The following FAM168A variants were observed in gnomAD, a reference collection of about 807,000 sequenced individuals.
FAM168A encodes the protein protein FAM168A.
Under a neutral mutation model 28.5 loss-of-function variants are expected in FAM168A, and 3 were observed. The ratio of observed to expected loss-of-function variants is 0.11; its 90% CI spans 0.05 to 0.27. The LOEUF is 0.27. FAM168A is among the 10% of genes least tolerant of loss of function. FAM168A has a pLI of 1.00. For synonymous variants in FAM168A, 122 were observed against 124.2 expected (o/e 0.98, Z 0.12); for missense variants, 222 against 311.5 (o/e 0.71, Z 2.16).
chr11:73,470,423 C>G (rs1867797454), intron 1 of FAM168A, among the ~76,000 whole-genome samples: 2 of 152,224 alleles, frequency 1.3e-5, no homozygotes, highest in East Asian at 3.9e-4. Context: ...ATGTTTCCCC[C>G]CAGAAAGCAC....
At chr11:73,578,096 A>G (rs2134730424) in intron 1 of FAM168A, among the ~76,000 whole-genome samples, 1 of 152,314 alleles carries the variant, frequency 6.6e-6, no homozygotes, top group East Asian at 1.9e-4. Flanking sequence ...TGCAAGAGAC[A>G]TTATGCTAGG....
chr11:73,424,905 G>T, intron 3 of FAM168A: 4 of 802,492 alleles, frequency 5.0e-6, no homozygotes, highest in Admixed American at 3.3e-5. Context: ...GAGCCACCTG[G>T]GGGGAGCCCA....
At chr11:73,545,027 A>ATATAATATATATATATAATATATTCTAT in intron 1 of FAM168A, among the ~76,000 whole-genome samples, 1 of 77,468 alleles carries the variant, frequency 1.3e-5, no homozygotes, top group Non-Finnish European at 2.1e-5. Context: ...TAGTATATAT[A>ATATAATATATATATATAATATATTCTAT]ATATATATAT....
chr11:73,556,182 C>A (rs3132763), intron 1 of FAM168A, among the ~76,000 whole-genome samples: 151,980 of 151,986 alleles, frequency 1, 75,987 homozygotes, highest in Middle Eastern at 1. Flanking sequence ...CTGGTTCTAC[C>A]AAAAAAAATT....
chr11:73,537,921 G>GTA (rs1481398935), intron 1 of FAM168A, among the ~76,000 whole-genome samples: 4 of 152,104 alleles, frequency 2.6e-5, no homozygotes, highest in African/African-American at 9.7e-5. Context: ...ACTTCCCCAT[G>GTA]TATACTCCTT....
intron 1 of FAM168A, among the ~76,000 whole-genome samples, chr11:73,582,865 T>A (rs929772984): frequency 6.6e-6 from 1 of 151,744 alleles, no homozygotes; most frequent in East Asian, 1.9e-4. Context: ...CTGAGTCTCA[T>A]TGTGTCTACT....
At chr11:73,591,168 T>G (rs1944377007) in intron 1 of FAM168A, among the ~76,000 whole-genome samples, 1 of 152,078 alleles carries the variant, frequency 6.6e-6, no homozygotes, top group Non-Finnish European at 1.5e-5. Flanking sequence ...GACTACTGAT[T>G]TAACAGCTTA....
At chr11:73,548,246 TATAA>T (rs552443112) in intron 1 of FAM168A, among the ~76,000 whole-genome samples, 28 of 151,930 alleles carry the variant, frequency 1.8e-4, no homozygotes, top group East Asian at 1.2e-3. Flanking sequence ...CATCACAATT[TATAA>T]ATAAATAAAT....
At chr11:73,438,954 A>AC (rs1461569969) in intron 2 of FAM168A, among the ~76,000 whole-genome samples, 4 of 128,668 alleles carry the variant, frequency 3.1e-5, no homozygotes, top group South Asian at 5.9e-4. Flanking sequence ...CCCCCGCCTC[A>AC]CCCCCCCTTC....
intron 2 of FAM168A, among the ~76,000 whole-genome samples, chr11:73,442,965 T>TATAC (rs1054786481): frequency 3.2e-5 from 3 of 93,506 alleles, no homozygotes; most frequent in Admixed American, 9.8e-5. Flanking sequence ...GATATATATA[T>TATAC]ATATATATAT....
Position 73,404,718 on chromosome 11 carries a change from T to TG in FAM168A, c.*2044dup, listed in dbSNP as rs1866471813. On this transcript the variant is annotated 3_prime_UTR_variant, in exon 8 of 8. Transcript: ENST00000356467. Reference sequence around the variant, plus strand: ...CCTGGCTCTAGGCCAAGGAGGCTGATGGGCTTTACCCTCCTGGGAATGGCT... The same window carrying TG: ...CCTGGCTCTAGGCCAAGGAGGCTGATGGGGCTTTACCCTCCTGGGAATGGCT... The TG allele has an allele frequency of 6.6e-6, 1 of 152,230 alleles. No homozygotes were observed. Among genetic ancestry groups the TG allele is most frequent in the Admixed American group, 6.5e-5 (1 of 15,288 alleles). 9.4% of individuals were successfully genotyped at this position (152,230 alleles called of 1,614,324 possible).
At chr11:73,544,865 A>AT (rs1943711926) in intron 1 of FAM168A, among the ~76,000 whole-genome samples, 1 of 94,466 alleles carries the variant, frequency 1.1e-5, no homozygotes, top group Non-Finnish European at 1.8e-5. Flanking sequence ...TATATAATAT[A>AT]TAATTATATA....
At chr11:73,484,872 T>A (rs888116539) in intron 1 of FAM168A, among the ~76,000 whole-genome samples, 1 of 151,864 alleles carries the variant, frequency 6.6e-6, no homozygotes, top group Non-Finnish European at 1.5e-5. Flanking sequence ...TGGAGTCCGA[T>A]GTTCAAGGAC....
chr11:73,509,959 G>A (rs1232900153), intron 1 of FAM168A, among the ~76,000 whole-genome samples: 1 of 152,092 alleles, frequency 6.6e-6, no homozygotes, highest in Non-Finnish European at 1.5e-5. Context: ...ATTTCTCACT[G>A]CTTTCCCTTT....
At chr11:73,550,755 A>G (rs918159746) in intron 1 of FAM168A, among the ~76,000 whole-genome samples, 3 of 152,178 alleles carry the variant, frequency 2.0e-5, no homozygotes, top group African/African-American at 7.2e-5. Flanking sequence ...AGATACAGGA[A>G]TATGACCTGG....
chr11:73,510,468 G>A (rs1016470442), intron 1 of FAM168A, among the ~76,000 whole-genome samples: 1 of 152,110 alleles, frequency 6.6e-6, no homozygotes, highest in Non-Finnish European at 1.5e-5. Context: ...ATCTGGGTAA[G>A]TATTAGGTTA....
At chr11:73,508,666 G>A (rs1326567023) in intron 1 of FAM168A, among the ~76,000 whole-genome samples, 5 of 152,066 alleles carry the variant, frequency 3.3e-5, no homozygotes. Context: ...TACTAGGGGT[G>A]TGTGTGTGTG....
chr11:73,453,483 C>T (rs1203919963), intron 2 of FAM168A, among the ~76,000 whole-genome samples: 3 of 152,136 alleles, frequency 2.0e-5, no homozygotes, highest in Non-Finnish European at 4.4e-5. Context: ...GGACCCAGCC[C>T]GCAAGCAGTT....
intron 2 of FAM168A, among the ~76,000 whole-genome samples, chr11:73,465,966 A>AGAGG (rs763146510): frequency 6.7e-6 from 1 of 150,100 alleles, no homozygotes; most frequent in African/African-American, 2.4e-5. Flanking sequence ...TTTAAAAGGG[A>AGAGG]GAGAGAGAGA....
Sources: gnomAD v4.1 joint callset for allele counts (sites outside exome capture counted in the v4.1 genomes callset) on GRCh38, gnomAD v4.1.1 for gene constraint, MANE v1.5 for transcripts, NCBI Gene and HGNC (gene_info 2026-07-23, HGNC 2026-07-21) for gene names.